The following PCDHA4 variants were observed in gnomAD, a reference collection of about 807,000 sequenced individuals.
The protein encoded by PCDHA4 is protocadherin alpha 4.
PCDHA4 carries 49 observed loss-of-function variants against 61.4 expected under a neutral mutation model. That is an observed-to-expected ratio of 0.80 (90% confidence interval 0.63 to 1.01). The LOEUF (loss-of-function observed/expected upper bound fraction) is 1.01. PCDHA4 is among the 50% of genes least tolerant of loss of function. The probability of loss-of-function intolerance (pLI) is 0.00; values close to 1 mark genes in which losing one functional copy is unlikely to be tolerated. For synonymous variants in PCDHA4, 590 were observed against 550.3 expected (o/e 1.07, Z -1.01); for missense variants, 1,254 against 1,235.8 (o/e 1.01, Z -0.22).
chr5:140,830,660 T>A, intron 1 of PCDHA4: 1 of 411,746 alleles, frequency 2.4e-6, no homozygotes, highest in Non-Finnish European at 3.9e-6. Flanking sequence ...ATTCATAATT[T>A]AAGTGAAATT....
chr5:140,897,409 A>G (rs945260120), intron 1 of PCDHA4, among the ~76,000 whole-genome samples: 16 of 140,532 alleles, frequency 1.1e-4, no homozygotes, highest in Non-Finnish European at 1.7e-4. Flanking sequence ...TCATTGTTCA[A>G]TTCCCATCTA....
intron 1 of PCDHA4, chr5:140,870,855 G>A: frequency 6.2e-7 from 1 of 1,613,910 alleles, no homozygotes; most frequent in Non-Finnish European, 8.5e-7. Flanking sequence ...CGCGGTCGGT[G>A]GGTGCGGGCC....
At chr5:140,842,541 T>A in intron 1 of PCDHA4, 1 of 1,609,746 alleles carries the variant, frequency 6.2e-7, no homozygotes. Context: ...TACTACTCGT[T>A]GGTGCTGGAC....
intron 1 of PCDHA4, chr5:140,823,494 CG>C (rs1374897060): frequency 6.2e-7 from 1 of 1,613,266 alleles, no homozygotes; most frequent in African/African-American, 1.3e-5. Context: ...GTGGCACCGG[CG>C]GCGCAGTGAG....
rs2150393367 is a variant in PCDHA4, at chr5:140,846,648, A to T, written c.2385+37076A>T. 2.0e-5 allele frequency among the ~76,000 whole-genome samples: 3 copies of T among 149,386 alleles called. No individual in the cohort carries two copies. The South Asian group carries it at 6.4e-4, about 32-fold the overall frequency. On this transcript the variant is annotated intron_variant, in intron 1 of 3. Coordinates refer to ENST00000530339, the MANE Select transcript of PCDHA4 (RefSeq NM_018907.4). ...TTCGGCCTCCTAAAGTGCTGGGATT[A>T]CAGGCATGAGCCACCGCGCCCAGCC...
rs1554148728 is a variant in PCDHA4, at chr5:140,856,447, C to T, written c.2385+46875C>T. On this transcript the variant is annotated intron_variant, in intron 1 of 3. Transcript: ENST00000530339. ...TTAACGACAACCCGCCCAGGTTCTC[C>T]GTAACAGAACAAAAGCTCTCAATAC... 8 of 1,598,330 alleles carry T rather than the reference C, an allele frequency of 5.0e-6. 1 individual carries two copies. The highest frequency in any genetic ancestry group is 6.8e-6 in the Non-Finnish European group (8 of 1,167,884).
intron 1 of PCDHA4, chr5:140,829,262 C>T (rs1770191839): frequency 6.2e-7 from 1 of 1,614,142 alleles, no homozygotes; most frequent in Non-Finnish European, 8.5e-7. Context: ...CTCGCTGACG[C>T]CTCACGTCCC....
chr5:140,907,885 A>C (rs1554193167), intron 1 of PCDHA4, among the ~76,000 whole-genome samples: 1 of 152,210 alleles, frequency 6.6e-6, no homozygotes, highest in Admixed American at 6.5e-5. Flanking sequence ...CTCACATGGG[A>C]TACAAATATC....
rs782188760 is a variant in PCDHA4, at chr5:140,877,108, G to A, written c.2385+67536G>A. 2.5e-5 allele frequency: 41 copies of A among 1,613,540 alleles called. No individual in the cohort carries two copies. Among genetic ancestry groups the A allele is most frequent in the South Asian group, 1.1e-4 (10 of 91,052 alleles). ...GCGCGACGCCGGCGTGCCGCCTCTG[G>A]GCAGCAACGTGACGCTGCAGGTGTT... On this transcript the variant is annotated intron_variant, in intron 1 of 3. Transcript: ENST00000530339.
intron 1 of PCDHA4, among the ~76,000 whole-genome samples, chr5:140,918,233 T>C (rs1554198474): frequency 6.6e-6 from 1 of 152,210 alleles, no homozygotes; most frequent in South Asian, 2.1e-4. Context: ...TTTTTGTACA[T>C]TGATTTTGTA....
intron 1 of PCDHA4, among the ~76,000 whole-genome samples, chr5:140,906,637 C>A (rs1171706512): frequency 6.6e-6 from 1 of 152,226 alleles, no homozygotes; most frequent in Non-Finnish European, 1.5e-5. Flanking sequence ...AGCACCTCAG[C>A]AGGTAGTGGT....
chr5:140,857,702 G>A, intron 1 of PCDHA4: 2 of 1,597,414 alleles, frequency 1.3e-6, no homozygotes, highest in East Asian at 2.2e-5. Flanking sequence ...GACGCTGCAG[G>A]TGTTCGTGCT....
chr5:140,881,383 G>T (rs2058695337), intron 1 of PCDHA4: 1 of 984,212 alleles, frequency 1.0e-6, no homozygotes, highest in Non-Finnish European at 1.2e-6. Context: ...AGCCGGCGGC[G>T]GTAAGTTAAA....
chr5:140,851,268 G>T lies in PCDHA4; in HGVS notation c.2385+41696G>T, dbSNP rs2042007881. ...TGATGCATAGTATTTTAGTCTACTT[G>T]TATTGTTTATAAGAAACCCAAGCAA... On this transcript the variant is annotated intron_variant, in intron 1 of 3. Transcript: ENST00000530339. 2.8e-6 allele frequency: 3 copies of T among 1,069,204 alleles called. No homozygotes were observed. In the East Asian group the frequency reaches 1.3e-4, roughly 48 times the overall value. 66.2% of individuals were successfully genotyped at this position (1,069,204 alleles called of 1,614,324 possible).
chr5:141,003,574 A>T (rs559561339), intron 3 of PCDHA4, among the ~76,000 whole-genome samples: 1 of 151,680 alleles, frequency 6.6e-6, no homozygotes, highest in African/African-American at 2.4e-5. Context: ...CAGACTCCCA[A>T]AGTGCTGGGA....
chr5:140,809,195 G>T lies in PCDHA4; in HGVS notation c.2008G>T (p.Val670Leu), dbSNP rs1435429734. Residue 670 changes from valine to leucine, a missense_variant, in exon 1 of 4, where the codon GTG (valine) becomes TTG (leucine). Transcript: ENST00000530339. ...TATATVLVSL[V>L]ESGQAPKASS... ...CACGGCCACTGTGCTGGTGTCACTT[G>T]TGGAGAGTGGACAGGCGCCAAAGGC... is the stretch of plus-strand genomic sequence containing the variant. The T allele has an allele frequency of 6.2e-7, 1 of 1,614,064 alleles. No individual in the cohort carries two copies. Among genetic ancestry groups the T allele is most frequent in the East Asian group, 2.2e-5 (1 of 44,880 alleles).
chr5:140,812,603 G>T (rs1554126021), intron 1 of PCDHA4: 2 of 151,592 alleles, frequency 1.3e-5, no homozygotes, highest in African/African-American at 4.9e-5. Context: ...TTTAGTGTAG[G>T]CATTTACAAC....
At chr5:140,927,511 G>A (rs1563093224) in intron 1 of PCDHA4, 1 of 1,614,120 alleles carries the variant, frequency 6.2e-7, no homozygotes, top group Non-Finnish European at 8.5e-7. Context: ...TACAGCTCGG[G>A]ACGGCGGGCT....
chr5:140,929,409 T>C, intron 1 of PCDHA4: 11 of 1,506,206 alleles, frequency 7.3e-6, no homozygotes, highest in Non-Finnish European at 9.8e-6. Context: ...GACAAGCCTT[T>C]CACAACATTT....
Sources: gnomAD v4.1 joint callset for allele counts (sites outside exome capture counted in the v4.1 genomes callset) on GRCh38, gnomAD v4.1.1 for gene constraint, MANE v1.5 for transcripts, NCBI Gene and HGNC (gene_info 2026-07-23, HGNC 2026-07-21) for gene names.